The following C16orf96 variants were observed in gnomAD, a reference collection of about 807,000 sequenced individuals.
C16orf96 encodes chromosome 16 open reading frame 96.
Under a neutral mutation model 103.6 loss-of-function variants are expected in C16orf96, and 108 were observed. The observed-to-expected ratio is 1.04, with a 90% CI of 0.89 to 1.22. C16orf96 has a LOEUF of 1.22. Ranked by LOEUF, C16orf96 falls within the 50% of genes most tolerant of loss-of-function variation. The probability of loss-of-function intolerance (pLI) is 0.00; values close to 1 mark genes in which losing one functional copy is unlikely to be tolerated. For missense variants in C16orf96, 1,586 were observed against 1,464.2 expected (o/e 1.08, Z -1.36); for synonymous variants, 566 against 593.5 (o/e 0.95, Z 0.67).
chr16:4,567,987 C>A (rs915159558), intron 1 of C16orf96, among the ~76,000 whole-genome samples: 1 of 151,966 alleles, frequency 6.6e-6, no homozygotes, highest in Non-Finnish European at 1.5e-5. Context: ...TGAGCCACCA[C>A]GTCCGGCCTG....
chr16:4,600,610 G>A lies in C16orf96; in HGVS notation c.*293G>A. On this transcript the variant is annotated 3_prime_UTR_variant, in exon 16 of 16. Coordinates refer to ENST00000444310, the MANE Select transcript of C16orf96 (RefSeq NM_001145011.2). ...GGGCCCTGAGCCTGGCCCAGAAAGG[G>A]TGCTGGGGCCCTGGATAGAGGGGAG... The A allele has an allele frequency of 4.6e-6, 2 of 430,916 alleles. No individual in the cohort carries two copies. Among genetic ancestry groups the A allele is most frequent in the East Asian group, 5.0e-5 (1 of 19,820 alleles). 26.7% of individuals were successfully genotyped at this position (430,916 alleles called of 1,614,324 possible).
intron 1 of C16orf96, among the ~76,000 whole-genome samples, chr16:4,570,688 G>A (rs761697287): frequency 2.6e-5 from 4 of 151,926 alleles, no homozygotes; most frequent in Non-Finnish European, 4.4e-5. Flanking sequence ...GACTGTTATC[G>A]AACTCCTGGC....
In C16orf96 at chr16:4,593,309, C is replaced by G; in HGVS notation, c.2860C>G (p.Gln954Glu). Residue 954 changes from glutamine to glutamate, a missense_variant, in exon 12 of 16, where the codon CAG becomes GAG. Gln to Glu is a conservative substitution (Grantham distance 29). Coordinates refer to ENST00000444310, the MANE Select transcript of C16orf96 (RefSeq NM_001145011.2). This position sits in a 1 kb window ranked among gnomAD's most constrained non-coding sequence, Gnocchi z 4.2. ...CAGCTGCGAGTACTTGCAGCGGCAA[C>G]AGATGAGGTGAGCAGGATGGGCGCC... ...ANSCEYLQRQ[Q>E]MREQQWLQLQ... 1 of 1,550,712 alleles carries G rather than the reference C, an allele frequency of 6.4e-7. No individual in the cohort carries two copies. Among genetic ancestry groups the G allele is most frequent in the Non-Finnish European group, 8.7e-7 (1 of 1,146,808 alleles).
chr16:4,542,041 G>T, the C16orf96 span, among the ~76,000 whole-genome samples: 1 of 152,186 alleles, frequency 6.6e-6, no homozygotes. Flanking sequence ...ACCAAGAGAG[G>T]CAAATAGAAG....
intron 7 of C16orf96, among the ~76,000 whole-genome samples, 188 bp downstream of exon 7, chr16:4,580,313 C>T (rs559151293): frequency 8.1e-6 from 1 of 122,840 alleles, no homozygotes; most frequent in Non-Finnish European, 1.8e-5. Context: ...TCCCACCACC[C>T]CCCCCCACCC....
intron 7 of C16orf96, among the ~76,000 whole-genome samples, 185 bp downstream of exon 7, chr16:4,580,310 A>ACCCCC (rs150403662): frequency 8.1e-3 from 846 of 104,230 alleles, no homozygotes; most frequent in Non-Finnish European, 0.012. Context: ...GAATCCCACC[A>ACCCCC]CCCCCCCCCA....
chr16:4,547,892 A>G, the C16orf96 span, among the ~76,000 whole-genome samples: 1 of 148,776 alleles, frequency 6.7e-6, no homozygotes, highest in South Asian at 2.1e-4. Context: ...CTCCTTCCTC[A>G]GCTTCCTGGG....
chr16:4,587,767 T>TC (rs1887513719), intron 8 of C16orf96, among the ~76,000 whole-genome samples: 2 of 151,662 alleles, frequency 1.3e-5, no homozygotes, highest in Non-Finnish European at 2.9e-5. Context: ...AGATCACATC[T>TC]CTACAAAAAA....
chr16:4,595,388 G>C (rs996885557), intron 14 of C16orf96, among the ~76,000 whole-genome samples: 5 of 152,218 alleles, frequency 3.3e-5, no homozygotes, highest in Non-Finnish European at 7.3e-5. Flanking sequence ...TCACAGGCAA[G>C]GGTTGGGCCA....
the C16orf96 span, among the ~76,000 whole-genome samples, chr16:4,546,895 A>T: frequency 7.2e-5 from 11 of 152,326 alleles, no homozygotes; most frequent in African/African-American, 2.6e-4. Context: ...CCGTGCTACA[A>T]CGTGGATGAA....
Position 4,576,418 on chromosome 16 carries a change from A to C in C16orf96, c.1938A>C (p.Glu646Asp). 6.4e-7 allele frequency: 1 copy of C among 1,551,130 alleles called. No homozygotes were observed. Among genetic ancestry groups the C allele is most frequent in the Non-Finnish European group, 8.7e-7 (1 of 1,146,996 alleles). ...QILGDDSEIY[E>D]ILSPSYSAAS... is the part of the protein sequence containing the mutation. ...TGGGCGATGATTCCGAAATCTACGA[A>C]ATCCTCTCTCCCTCCTACTCTGCTG... is the stretch of plus-strand genomic sequence containing the variant. The change falls in exon 5 of 16, where the codon GAA becomes GAC. Residue 646 changes from glutamate (E) to aspartate (D), a missense_variant. Glu to Asp is a conservative substitution (Grantham distance 45, BLOSUM62 2). Coordinates refer to ENST00000444310, the MANE Select transcript of C16orf96 (RefSeq NM_001145011.2).
At chr16:4,578,714 C>T (rs751392099) in intron 5 of C16orf96, among the ~76,000 whole-genome samples, 17 of 151,902 alleles carry the variant, frequency 1.1e-4, no homozygotes, top group Non-Finnish European at 2.1e-4. Context: ...GCCGAGATCG[C>T]GCCACTGCAC....
intron 1 of C16orf96, among the ~76,000 whole-genome samples, chr16:4,570,743 G>A (rs966501357): frequency 2.0e-5 from 3 of 152,094 alleles, no homozygotes; most frequent in Non-Finnish European, 4.4e-5. Flanking sequence ...TGGGATTATA[G>A]GCATGAGCCA....
At position 4,556,358 on chromosome 16, in the gene C16orf96, C is replaced by T. The variant is rs903760715; in HGVS notation, c.-132C>T. On this transcript the variant is annotated 5_prime_UTR_variant, in exon 1 of 16. Coordinates refer to ENST00000444310, the MANE Select transcript of C16orf96 (RefSeq NM_001145011.2). ...TCCAGCCAGAACAGAGGCCATTCCT[C>T]CCTGACTGCTGTGACTCACCACCAC... 6.8e-6 allele frequency: 6 copies of T among 884,124 alleles called. No individual in the cohort carries two copies. The highest frequency in any genetic ancestry group is 5.8e-5 in the South Asian group (3 of 51,412). 54.8% of individuals were successfully genotyped at this position (884,124 alleles called of 1,614,324 possible).
the C16orf96 span, among the ~76,000 whole-genome samples, chr16:4,542,186 C>G: frequency 1.3e-5 from 2 of 152,102 alleles, no homozygotes; most frequent in Non-Finnish European, 2.9e-5. Flanking sequence ...AGTCTCCCAT[C>G]TCTACAAAAA....
rs1246006240 is a variant in C16orf96 at position 4,556,680 on chromosome 16, A to G, written c.191A>G (p.Glu64Gly). 8.4e-6 allele frequency: 13 copies of G among 1,551,336 alleles called. No homozygotes were observed. The South Asian group carries it at 1.4e-4, about 17-fold the overall frequency. ...TCGCAGGTGGTCATCATGCCCAGGG[A>G]AGGAGACGCCCAGCCTATCCTCAAC... ...QTSQVVIMPR[E>G]GDAQPILNPM... The change falls in exon 1 of 16, where the codon GAA becomes GGA. Residue 64 changes from glutamate to glycine, a missense_variant. Physicochemically the swap from Glu to Gly is moderately conservative, Grantham distance 98. Transcript: ENST00000444310.
the C16orf96 span, among the ~76,000 whole-genome samples, chr16:4,546,413 C>T: frequency 1.3e-5 from 2 of 151,524 alleles, no homozygotes; most frequent in South Asian, 4.2e-4. Context: ...CTGCCTCGGC[C>T]TCCCAGAGTG....
Position 4,575,539 on chromosome 16 carries a change from C to T in C16orf96, c.1059C>T (p.Val353=). The part of the protein sequence containing the change: ...ELEPVPALGP[V]PGPSVTPGSL... Reference sequence around the variant, plus strand: ...AGCCTGTGCCTGCCCTGGGGCCTGTCCCAGGGCCCAGTGTGACACCTGGGT... The same window carrying T: ...AGCCTGTGCCTGCCCTGGGGCCTGTTCCAGGGCCCAGTGTGACACCTGGGT... The change falls in exon 5 of 16, where the codon GTC becomes GTT. Residue 353 remains valine, a synonymous_variant. Coordinates refer to ENST00000444310, the MANE Select transcript of C16orf96 (RefSeq NM_001145011.2). The T allele has an allele frequency of 1.9e-6, 3 of 1,540,890 alleles. No homozygotes were observed. The highest frequency in any genetic ancestry group is 2.6e-6 in the Non-Finnish European group (3 of 1,144,100).
intron 2 of C16orf96, among the ~76,000 whole-genome samples, chr16:4,572,380 AC>A (rs1217766219): frequency 6.8e-6 from 1 of 146,498 alleles, no homozygotes; most frequent in African/African-American, 2.5e-5. Flanking sequence ...ACTCACTGCA[AC>A]CTCCACCTCC....
Sources: gnomAD v4.1 joint callset for allele counts (sites outside exome capture counted in the v4.1 genomes callset) on GRCh38, gnomAD v4.1.1 for gene constraint, Gnocchi (gnomAD v3.1) non-coding constraint, MANE v1.5 for transcripts, NCBI Gene and HGNC (gene_info 2026-07-23, HGNC 2026-07-21) for gene names.